The following ASIC2 variants were observed in gnomAD, a reference collection of about 807,000 sequenced individuals.
The protein encoded by ASIC2 is acid-sensing ion channel 2.
In ASIC2, 25 loss-of-function variants were observed where a neutral mutation model predicts 57.3. The observed-to-expected ratio is 0.44, with a 90% CI of 0.32 to 0.61. The LOEUF (loss-of-function observed/expected upper bound fraction) is 0.61, where lower values mean the gene tolerates loss of function less well. ASIC2 is among the 20% of genes least tolerant of loss of function. The pLI is 0.06. For synonymous variants in ASIC2, 319 were observed against 307.5 expected (o/e 1.04, Z -0.39); for missense variants, 641 against 738.1 (o/e 0.87, Z 1.52).
At chr17:33,216,031 G>A (rs1240817798) in intron 1 of ASIC2, among the ~76,000 whole-genome samples, 1 of 152,164 alleles carries the variant, frequency 6.6e-6, no homozygotes, top group African/African-American at 2.4e-5. Context: ...TAAAAATAAT[G>A]TCCCTTCAAA....
chr17:33,404,233 C>T (rs528480828), intron 1 of ASIC2, among the ~76,000 whole-genome samples: 7 of 152,118 alleles, frequency 4.6e-5, no homozygotes, highest in East Asian at 3.9e-4. Flanking sequence ...TCTGGGGTGA[C>T]GGAAATGTGC....
chr17:33,722,657 G>A (rs1909425198), intron 1 of ASIC2, among the ~76,000 whole-genome samples: 1 of 152,014 alleles, frequency 6.6e-6, no homozygotes, highest in Admixed American at 6.5e-5. Flanking sequence ...TAGATACTTG[G>A]GAGGCTGACA....
chr17:34,029,425 CT>C (rs1418690627), intron 1 of ASIC2, among the ~76,000 whole-genome samples: 2 of 151,734 alleles, frequency 1.3e-5, no homozygotes, highest in Non-Finnish European at 2.9e-5. Flanking sequence ...CTCTCACTAC[CT>C]TCTAAGTGGG....
chr17:34,070,266 G>C (rs1300710001), intron 1 of ASIC2: 1 of 151,886 alleles, frequency 6.6e-6, no homozygotes, highest in Non-Finnish European at 1.5e-5. Flanking sequence ...ACAGCCCCCA[G>C]CAGTCTTCAT....
rs3071169 is a variant in ASIC2, at chr17:34,095,607, TTA to T, written c.555+60369_555+60370del. On this transcript the variant is annotated intron_variant, in intron 1 of 9. Transcript: ENST00000359872. ...AGAGTTGGGGAGAAGCAGGCAAATTTTATATATATATATATATATATAATTTT... is the reference window on the plus strand; with the variant it reads ...AGAGTTGGGGAGAAGCAGGCAAATTTTATATATATATATATATATAATTTT... 7.6e-3 allele frequency among the ~76,000 whole-genome samples: 735 copies of T among 96,102 alleles called. 12 individuals are homozygous for T. Among genetic ancestry groups the T allele is most frequent in the African/African-American group, 0.039 (682 of 17,704 alleles). The allele number at this position is 96,102 out of a possible 152,430, so 63.0% of individuals were successfully genotyped here.
chr17:33,778,217 T>C (rs1911340774), intron 1 of ASIC2, among the ~76,000 whole-genome samples: 1 of 152,110 alleles, frequency 6.6e-6, no homozygotes, highest in Non-Finnish European at 1.5e-5. Context: ...CCTCTGTGAA[T>C]ACTTATAAAA....
intron 1 of ASIC2, among the ~76,000 whole-genome samples, chr17:33,790,453 T>G (rs1243119983): frequency 2.0e-5 from 3 of 152,172 alleles, no homozygotes; most frequent in Non-Finnish European, 2.9e-5. Flanking sequence ...AATAAAAATA[T>G]TCTTATTTTT....
At chr17:33,602,766 T>C (rs998347675) in intron 1 of ASIC2, among the ~76,000 whole-genome samples, 1 of 152,202 alleles carries the variant, frequency 6.6e-6, no homozygotes, top group African/African-American at 2.4e-5. Context: ...CTGGTCCTTA[T>C]ACCTGGGTGT....
chr17:33,322,535 A>G (rs320645), intron 1 of ASIC2, among the ~76,000 whole-genome samples: 132,053 of 152,252 alleles, frequency 0.87, 57,531 homozygotes, highest in East Asian at 1. Flanking sequence ...TGCCTTCAAT[A>G]AACTTAACAA....
chr17:33,019,997 G>T (rs1329472349), intron 7 of ASIC2, among the ~76,000 whole-genome samples: 2 of 152,094 alleles, frequency 1.3e-5, no homozygotes, highest in African/African-American at 4.8e-5. Context: ...GTGAGTGAGG[G>T]GTCTATGTCT....
chr17:33,661,962 C>T (rs1907282803), intron 1 of ASIC2, among the ~76,000 whole-genome samples: 1 of 152,178 alleles, frequency 6.6e-6, no homozygotes, highest in South Asian at 2.1e-4. Flanking sequence ...TCTACTCATC[C>T]CTACTTTCCT....
intron 1 of ASIC2, among the ~76,000 whole-genome samples, chr17:34,106,302 C>A (rs1911052145): frequency 1.3e-5 from 2 of 152,088 alleles, no homozygotes; most frequent in Non-Finnish European, 2.9e-5. Context: ...ATTGATATTT[C>A]TCTTTTAACT....
chr17:33,803,188 A>G (rs367768647), intron 1 of ASIC2, among the ~76,000 whole-genome samples: 1 of 152,346 alleles, frequency 6.6e-6, no homozygotes, highest in African/African-American at 2.4e-5. Flanking sequence ...AGCACTCTAC[A>G]TCTCTGACCA....
chr17:33,118,647 A>C (rs980475227), intron 1 of ASIC2, among the ~76,000 whole-genome samples: 33 of 152,092 alleles, frequency 2.2e-4, no homozygotes, highest in African/African-American at 7.5e-4. Context: ...GACACCAAAA[A>C]TCTTCGCCTC....
intron 1 of ASIC2, among the ~76,000 whole-genome samples, chr17:33,826,186 C>A (rs1367787626): frequency 6.6e-6 from 1 of 152,140 alleles, no homozygotes; most frequent in Non-Finnish European, 1.5e-5. Flanking sequence ...TCAAGGTTAC[C>A]TTTTATAGTT....
At chr17:33,310,510 C>A (rs184422087) in intron 1 of ASIC2, among the ~76,000 whole-genome samples, 24 of 152,244 alleles carry the variant, frequency 1.6e-4, no homozygotes, top group African/African-American at 5.8e-4. Context: ...TGTGCATTGA[C>A]GAGGACAAAG....
At chr17:33,762,972 C>T (rs1018468860) in intron 1 of ASIC2, among the ~76,000 whole-genome samples, 5 of 152,162 alleles carry the variant, frequency 3.3e-5, no homozygotes, top group African/African-American at 1.2e-4. Flanking sequence ...AGAGTAGGCC[C>T]CATCTTTGCA....
chr17:33,321,669 T>A (rs1164214219), intron 1 of ASIC2, among the ~76,000 whole-genome samples: 1 of 152,186 alleles, frequency 6.6e-6, no homozygotes, highest in Non-Finnish European at 1.5e-5. Flanking sequence ...TAAAAACAGC[T>A]TTTTTTAGTC....
rs2091989442 is a variant in ASIC2 at position 33,054,319 on chromosome 17, T to C, written c.988-25927A>G. ...AAATCTGGGGCTCAAATGACTAGAC[T>C]TCTGGACTCTGTCGCTGCCAAACCA... On this transcript the variant is annotated intron_variant, in intron 3 of 9. Coordinates refer to ENST00000225823, the MANE Select transcript of ASIC2 (RefSeq NM_183377.2). 2.0e-5 allele frequency among the ~76,000 whole-genome samples: 3 copies of C among 152,294 alleles called. No individual in the cohort carries two copies. The South Asian group carries it at 6.2e-4, about 32-fold the overall frequency.
Sources: allele counts gnomAD v4.1 joint callset (sites outside exome capture counted in the v4.1 genomes callset), GRCh38; gene constraint gnomAD v4.1.1; transcripts MANE v1.5; gene names NCBI Gene and HGNC (gene_info 2026-07-23, HGNC 2026-07-21).